CCDC172: variants seen among roughly 807,000 people sequenced by gnomAD.
CCDC172 encodes the protein coiled-coil domain-containing protein 172.
In CCDC172, 30 loss-of-function variants were observed where a neutral mutation model predicts 38.0. The observed-to-expected ratio is 0.79, with a 90% CI of 0.59 to 1.07. The LOEUF (loss-of-function observed/expected upper bound fraction) is 1.07. CCDC172 is among the 50% of genes least tolerant of loss of function. The pLI, the probability that CCDC172 is intolerant of heterozygous loss-of-function variation, is 0.00. For missense variants in CCDC172, 297 were observed against 290.1 expected (o/e 1.02, Z -0.17); for synonymous variants, 78 against 88.3 (o/e 0.88, Z 0.66).
chr10:116,367,243 A>G (rs1845134425), intron 7 of CCDC172, among the ~76,000 whole-genome samples: 1 of 152,188 alleles, frequency 6.6e-6, no homozygotes, highest in Admixed American at 6.5e-5. Flanking sequence ...AATAGCCACA[A>G]GAGAGGATTT....
chr10:116,340,718 T>C lies in CCDC172; in HGVS notation c.166-16T>C, dbSNP rs1844781623. The C allele has an allele frequency of 7.9e-7, 1 of 1,269,334 alleles. No individual in the cohort carries two copies. The highest frequency in any genetic ancestry group is 1.5e-5 in the African/African-American group (1 of 67,104). The allele number at this position is 1,269,334 out of a possible 1,614,324, so 78.6% of individuals were successfully genotyped here. The stretch of plus-strand genomic sequence containing the variant: ...ATTAATTGTTTTATTCTGATTTCTG[T>C]TTTTGTACTTTGAAGGTTCAACAGT... On this transcript the variant is annotated splice_polypyrimidine_tract_variant and intron_variant, in intron 3 of 8. Transcript: ENST00000333254.
chr10:116,342,410 T>A, intron 5 of CCDC172: 1 of 393,298 alleles, frequency 2.5e-6, no homozygotes. Flanking sequence ...CATTTGGTCA[T>A]TCATTTAATA....
At chr10:116,341,482 A>G (rs147515918) in intron 4 of CCDC172, among the ~76,000 whole-genome samples, 6 of 152,148 alleles carry the variant, frequency 3.9e-5, no homozygotes, top group Non-Finnish European at 5.9e-5. Flanking sequence ...CATTGTCCAC[A>G]GTTTTTGGAA....
At chr10:116,352,078 A>G (rs535892453) in intron 5 of CCDC172, among the ~76,000 whole-genome samples, 1 of 152,354 alleles carries the variant, frequency 6.6e-6, no homozygotes, top group Admixed American at 6.5e-5. Flanking sequence ...CTAAGAGCTC[A>G]TATGGGAATG....
At chr10:116,345,802 C>T (rs976721309) in intron 5 of CCDC172, among the ~76,000 whole-genome samples, 1 of 152,076 alleles carries the variant, frequency 6.6e-6, no homozygotes, top group Non-Finnish European at 1.5e-5. Context: ...CCATACCAAA[C>T]GTTGCTGAGA....
At chr10:116,348,666 C>G (rs1015133438) in intron 5 of CCDC172, among the ~76,000 whole-genome samples, 2 of 152,006 alleles carry the variant, frequency 1.3e-5, no homozygotes, top group Non-Finnish European at 2.9e-5. Flanking sequence ...AGGTTATGTT[C>G]TGTTTAAATA....
At chr10:116,359,962 T>C (rs1252268480) in intron 7 of CCDC172, among the ~76,000 whole-genome samples, 1 of 152,218 alleles carries the variant, frequency 6.6e-6, no homozygotes, top group African/African-American at 2.4e-5. Context: ...TGGTCTCTGC[T>C]TTAGGTAAAG....
At chr10:116,331,803 C>T (rs1405983882) in intron 3 of CCDC172, among the ~76,000 whole-genome samples, 5 of 152,000 alleles carry the variant, frequency 3.3e-5, no homozygotes, top group Non-Finnish European at 7.4e-5. Context: ...GCAGTTTCAC[C>T]CCTGCTGCCA....
In CCDC172 at chr10:116,340,815, A is replaced by G. The variant is rs1214460003; in HGVS notation, c.247A>G (p.Ile83Val). The G allele has an allele frequency of 6.3e-7, 1 of 1,595,784 alleles. No homozygotes were observed. The highest frequency in any genetic ancestry group is 8.6e-7 in the Non-Finnish European group (1 of 1,165,516). ...TGCTTTAGAAAAACAGTACAGTGAAATTACAAACCATAGGAATATGCTTCT... is the reference window on the plus strand; with the variant it reads ...TGCTTTAGAAAAACAGTACAGTGAAGTTACAAACCATAGGAATATGCTTCT... ...ENALEKQYSEITNHRNMLLQT... is the reference protein window; with the variant it reads ...ENALEKQYSEVTNHRNMLLQT... The change falls in exon 4 of 9, where the codon ATT (isoleucine) becomes GTT (valine). Residue 83 changes from isoleucine to valine, a missense_variant. Transcript: ENST00000333254.
chr10:116,352,249 C>T (rs2134940435), intron 5 of CCDC172, among the ~76,000 whole-genome samples: 1 of 152,210 alleles, frequency 6.6e-6, no homozygotes, highest in Non-Finnish European at 1.5e-5. Context: ...AGCTTACCTG[C>T]CTACTAAAAC....
chr10:116,352,581 C>T (rs1844944328), intron 5 of CCDC172, among the ~76,000 whole-genome samples: 1 of 151,812 alleles, frequency 6.6e-6, no homozygotes, highest in Non-Finnish European at 1.5e-5. Context: ...CATGATAAAA[C>T]CACTCAATAA....
At chr10:116,336,427 G>A (rs1844735572) in intron 3 of CCDC172, among the ~76,000 whole-genome samples, 2 of 151,342 alleles carry the variant, frequency 1.3e-5, no homozygotes. Context: ...GCCATTGTCA[G>A]GAGGTTATTT....
chr10:116,342,989 A>G (rs1844815155), intron 5 of CCDC172, among the ~76,000 whole-genome samples: 1 of 151,830 alleles, frequency 6.6e-6, no homozygotes, highest in South Asian at 2.1e-4. Context: ...TTAATAAATT[A>G]CCCAGTCTCG....
At position 116,378,500 on chromosome 10, in the gene CCDC172, T is replaced by C. The variant is rs777480433; in HGVS notation, c.731T>C (p.Phe244Ser). The C allele has an allele frequency of 8.7e-6, 14 of 1,603,222 alleles. No homozygotes were observed. The South Asian group carries it at 1.5e-4, about 17-fold the overall frequency. ...VYEALQTEIEFLELTLAQKDL... is the reference protein window; with the variant it reads ...VYEALQTEIESLELTLAQKDL... ...GAAGCTCTCCAAACAGAAATAGAAT[T>C]TTTGGAGTTGGTAAGTTATCATTGA... Residue 244 changes from phenylalanine to serine, a missense_variant, in exon 8 of 9, where the codon TTT (phenylalanine) becomes TCT (serine). Coordinates refer to ENST00000333254, the MANE Select transcript of CCDC172 (RefSeq NM_198515.3).
At chr10:116,347,403 A>G (rs538208470) in intron 5 of CCDC172, among the ~76,000 whole-genome samples, 17 of 152,316 alleles carry the variant, frequency 1.1e-4, no homozygotes, top group African/African-American at 3.8e-4. Context: ...AAGGGAGCAG[A>G]TTGAGGTAAT....
At chr10:116,377,476 G>A (rs1031035037) in intron 7 of CCDC172, among the ~76,000 whole-genome samples, 25 of 152,156 alleles carry the variant, frequency 1.6e-4, no homozygotes, top group African/African-American at 6.0e-4. Flanking sequence ...GAATGTAACC[G>A]CTTCAGTTCT....
At chr10:116,350,187 T>C (rs1334911374) in intron 5 of CCDC172, among the ~76,000 whole-genome samples, 1 of 152,160 alleles carries the variant, frequency 6.6e-6, no homozygotes, top group African/African-American at 2.4e-5. Flanking sequence ...ATTGGAGGAC[T>C]TAAGCAAAAG....
At chr10:116,367,546 T>G (rs1169475428) in intron 7 of CCDC172, among the ~76,000 whole-genome samples, 2 of 151,842 alleles carry the variant, frequency 1.3e-5, no homozygotes, top group East Asian at 3.9e-4. Flanking sequence ...AAAACTTATC[T>G]GGGCGTGGTG....
chr10:116,365,287 A>G (rs189120372), intron 7 of CCDC172, among the ~76,000 whole-genome samples: 1 of 152,298 alleles, frequency 6.6e-6, no homozygotes, highest in African/African-American at 2.4e-5. Context: ...TTTGCTCTGC[A>G]TGCCCTCCTT....
Sources: allele counts gnomAD v4.1 joint callset (sites outside exome capture counted in the v4.1 genomes callset), GRCh38; gene constraint gnomAD v4.1.1; transcripts MANE v1.5; gene names NCBI Gene and HGNC (gene_info 2026-07-23, HGNC 2026-07-21).